Variants in PSMD11 observed in about 807,000 individuals in gnomAD.
PSMD11 encodes proteasome 26S subunit, non-ATPase 11.
PSMD11 carries 5 observed loss-of-function variants against 62.3 expected under a neutral mutation model. That is an observed-to-expected ratio of 0.08 (90% CI 0.04 to 0.17). PSMD11 has a LOEUF of 0.17. Ranked by LOEUF, PSMD11 falls within the 10% of genes least tolerant of loss-of-function variation. PSMD11 has a pLI of 1.00. For synonymous variants in PSMD11, 191 were observed against 191.8 expected, an observed-to-expected ratio of 1.00 and a Z score of 0.03; for missense variants, 310 against 512.9, an observed-to-expected ratio of 0.60 and a Z score of 3.82.
At chr17:32,457,473 A>G (rs976591032) in intron 3 of PSMD11, among the ~76,000 whole-genome samples, 6 of 151,996 alleles carry the variant, frequency 3.9e-5, no homozygotes, top group African/African-American at 7.2e-5. Context: ...CTAGTCTCAA[A>G]TGATCTGCCT....
intron 8 of PSMD11, among the ~76,000 whole-genome samples, chr17:32,475,311 G>A (rs1285851008): frequency 6.6e-6 from 1 of 151,396 alleles, no homozygotes; most frequent in Non-Finnish European, 1.5e-5. Context: ...TGAATTTTGG[G>A]TGTGGTGCAA....
Position 32,458,809 on chromosome 17 carries a change from T to A in PSMD11, c.318+4190T>A, listed in dbSNP as rs138056002. 4.7e-4 allele frequency among the ~76,000 whole-genome samples: 72 copies of A among 152,342 alleles called. No homozygotes were observed. In the East Asian group the frequency reaches 0.012, roughly 26 times the overall value. On this transcript the variant is annotated intron_variant, in intron 3 of 13. Transcript: ENST00000261712. ...TTGGGACATTCATATACATATGGAT[T>A]GCTGTCAGCTTGATCTTAACAGGAT...
intron 1 of PSMD11, chr17:32,445,569 A>C (rs1907308715): frequency 6.6e-6 from 1 of 152,250 alleles, no homozygotes; most frequent in Admixed American, 6.5e-5. Flanking sequence ...CGACAGAAGA[A>C]GACGTTAATG....
chr17:32,459,115 C>CATATATATTTATATATATAT (rs1555616119), intron 3 of PSMD11, among the ~76,000 whole-genome samples: 1 of 111,882 alleles, frequency 8.9e-6, no homozygotes, highest in African/African-American at 3.5e-5. Flanking sequence ...AAAAAAAATA[C>CATATATATTTATATATATAT]ATATATATAT....
At chr17:32,450,966 A>T (rs1045403297) in intron 2 of PSMD11, among the ~76,000 whole-genome samples, 1 of 151,746 alleles carries the variant, frequency 6.6e-6, no homozygotes, top group African/African-American at 2.4e-5. Context: ...CAAAAAAGAT[A>T]AAAAAATTGA....
At position 32,473,710 on chromosome 17, in the gene PSMD11, AT is replaced by A. The variant is rs373670482; in HGVS notation, c.644-88del. On this transcript the variant is annotated intron_variant, in intron 6 of 13. Coordinates refer to ENST00000261712, the MANE Select transcript of PSMD11 (RefSeq NM_002815.4). ...TTTACAGGTGTGAGCCACCGTGCCC[AT>A]TTAGGTAGATGTCTAAGCTGCCTCC... 3.6e-4 allele frequency: 500 copies of A among 1,382,428 alleles called. 4 individuals are homozygous for A. The South Asian group carries it at 4.1e-3, about 11-fold the overall frequency. The allele number at this position is 1,382,428 out of a possible 1,614,324, so 85.6% of individuals were successfully genotyped here.
chr17:32,474,620 G>T (rs1245089854), intron 7 of PSMD11, 144 bp from the exon 8 acceptor site: 2 of 737,322 alleles, frequency 2.7e-6, no homozygotes, highest in Admixed American at 4.2e-5. Context: ...AATGTGATGG[G>T]CATATGGGTT....
intron 3 of PSMD11, among the ~76,000 whole-genome samples, chr17:32,462,302 A>C (rs907211782): frequency 4.6e-5 from 7 of 152,236 alleles, no homozygotes; most frequent in African/African-American, 1.7e-4. Context: ...CTAAACACTT[A>C]TATTTCCTTT....
Position 32,481,857 on chromosome 17 carries a change from C to T in PSMD11, c.*1105C>T, listed in dbSNP as rs948086274. On this transcript the variant is annotated 3_prime_UTR_variant, in exon 14 of 14. Transcript: ENST00000261712. ...TTGGGTTTTTGAGCAACCTCATGTC[C>T]CCTTCCCAGGGAGCTTTTTAATTTA... is the stretch of plus-strand genomic sequence containing the variant. 8 of 151,912 alleles carry T rather than the reference C, an allele frequency of 5.3e-5. No homozygotes were observed. Among genetic ancestry groups the T allele is most frequent in the Non-Finnish European group, 8.8e-5 (6 of 67,990 alleles). The allele number at this position is 151,912 out of a possible 1,614,324, so 9.4% of individuals were successfully genotyped here.
chr17:32,454,699 G>A, intron 3 of PSMD11, 80 bp downstream of exon 3: 1 of 1,471,662 alleles, frequency 6.8e-7, no homozygotes, highest in Non-Finnish European at 9.3e-7. Flanking sequence ...CTGCACTTTA[G>A]TACTAATGTG....
At chr17:32,455,796 A>C (rs995582965) in intron 3 of PSMD11, among the ~76,000 whole-genome samples, 1 of 152,208 alleles carries the variant, frequency 6.6e-6, no homozygotes, top group African/African-American at 2.4e-5. Context: ...TGAAAAAATT[A>C]AAAGTTATTT....
At chr17:32,456,866 C>G (rs1458570084) in intron 3 of PSMD11, among the ~76,000 whole-genome samples, 1 of 152,016 alleles carries the variant, frequency 6.6e-6, no homozygotes, top group Non-Finnish European at 1.5e-5. Context: ...GGGGTTTCAC[C>G]ATGTTGGTCA....
intron 2 of PSMD11, among the ~76,000 whole-genome samples, chr17:32,449,919 T>G (rs2150828611): frequency 6.6e-6 from 1 of 152,344 alleles, no homozygotes; most frequent in Admixed American, 6.5e-5. Flanking sequence ...CCAACAAAAA[T>G]CACTTGGGGA....
chr17:32,454,948 C>T (rs184898083), intron 3 of PSMD11: 530 of 222,074 alleles, frequency 2.4e-3, no homozygotes, highest in Non-Finnish European at 2.7e-3. Flanking sequence ...CACAAAGCTC[C>T]TTCTGAGCAC....
intron 1 of PSMD11, chr17:32,444,978 G>C: frequency 2.8e-6 from 1 of 357,214 alleles, no homozygotes; most frequent in South Asian, 3.0e-5. Context: ...GCTTGTCACG[G>C]ACTGGTCCTA....
Position 32,482,155 on chromosome 17 carries a change from G to A in PSMD11, c.*1403G>A, listed in dbSNP as rs936887862. On this transcript the variant is annotated 3_prime_UTR_variant, in exon 14 of 14. Coordinates refer to ENST00000261712, the MANE Select transcript of PSMD11 (RefSeq NM_002815.4). The stretch of plus-strand genomic sequence containing the variant: ...CATAATAAATTTATATTTTGTAAAA[G>A]GATTTTGTTGTACCAGGTTTTGCAT... 6.6e-6 allele frequency: 1 copy of A among 151,718 alleles called. No homozygotes were observed. Among genetic ancestry groups the A allele is most frequent in the Non-Finnish European group, 1.5e-5 (1 of 67,982 alleles). The allele number at this position is 151,718 out of a possible 1,614,324, so 9.4% of individuals were successfully genotyped here.
chr17:32,459,096 TCTCAAAAAAAAAAAA>T, intron 3 of PSMD11, among the ~76,000 whole-genome samples: 1 of 100,974 alleles, frequency 9.9e-6, no homozygotes, highest in East Asian at 2.3e-4. Context: ...AGTGAGAGTG[TCTCAAAAAAAAAAAA>T]ATACATATAT....
intron 7 of PSMD11, 57 bp from the exon 8 acceptor site, chr17:32,474,707 C>A: frequency 6.4e-7 from 1 of 1,563,464 alleles, no homozygotes; most frequent in Non-Finnish European, 8.8e-7. Flanking sequence ...TTTGCCCAAA[C>A]CTTCCTTTAG....
intron 5 of PSMD11, among the ~76,000 whole-genome samples, chr17:32,467,634 G>T (rs1908036068): frequency 6.6e-6 from 1 of 151,980 alleles, no homozygotes; most frequent in Non-Finnish European, 1.5e-5. Context: ...TAGAAACAGG[G>T]TCTCACTCTG....
Sources: allele counts gnomAD v4.1 joint callset (sites outside exome capture counted in the v4.1 genomes callset), GRCh38; gene constraint gnomAD v4.1.1; transcripts MANE v1.5; gene names NCBI Gene and HGNC (gene_info 2026-07-23, HGNC 2026-07-21).